Variants in DGKI observed in about 807,000 individuals in gnomAD.
The protein encoded by DGKI is diacylglycerol kinase iota.
A neutral mutation model predicts 147.5 loss-of-function variants in DGKI; 55 were observed. The observed-to-expected ratio is 0.37, with a 90% CI of 0.30 to 0.47. The LOEUF (loss-of-function observed/expected upper bound fraction) is 0.47, where lower values mean the gene tolerates loss of function less well. Ranked by LOEUF, DGKI falls within the 20% of genes least tolerant of loss-of-function variation. DGKI has a pLI of 1.00. For missense variants in DGKI, 1,007 were observed against 1,323.8 expected, an observed-to-expected ratio of 0.76 and a Z score of 3.71; for synonymous variants, 469 against 477.1, an observed-to-expected ratio of 0.98 and a Z score of 0.22.
At chr7:137,522,110 G>A (rs1816982886) in intron 20 of DGKI, 144 bp from the exon 21 acceptor site, 2 of 577,922 alleles carry the variant, frequency 3.5e-6, no homozygotes, top group African/African-American at 3.9e-5. Context: ...TTCCTTATCA[G>A]AATTGAACAG....
chr7:137,724,456 A>G (rs934154226), intron 1 of DGKI, among the ~76,000 whole-genome samples: 2 of 152,248 alleles, frequency 1.3e-5, no homozygotes, highest in African/African-American at 4.8e-5. Context: ...CTACTACAAC[A>G]GTCCAGAAAG....
At chr7:137,809,059 G>A (rs1288159995) in intron 1 of DGKI, among the ~76,000 whole-genome samples, 5 of 152,188 alleles carry the variant, frequency 3.3e-5, no homozygotes, top group Non-Finnish European at 7.3e-5. Flanking sequence ...AGTTTGACAA[G>A]CTTCCTTGAT....
rs117352289 is a variant in DGKI, at chr7:137,391,193, C to G, written c.*27G>C. 6.4e-7 allele frequency: 1 copy of G among 1,562,738 alleles called. No individual in the cohort carries two copies. ...GGAGGGCAGATGTGATACGCTTGCT[C>G]ATGTCCTCTTTGCCCGAATACCAGG... On this transcript the variant is annotated 3_prime_UTR_variant, in exon 33 of 33. Coordinates refer to ENST00000614521, the MANE Select transcript of DGKI (RefSeq NM_001321708.2).
intron 6 of DGKI, among the ~76,000 whole-genome samples, chr7:137,636,692 T>C (rs1467190417): frequency 1.3e-5 from 2 of 152,190 alleles, no homozygotes; most frequent in Non-Finnish European, 2.9e-5. Context: ...CCTGCTGAAA[T>C]TTGATCCCCA....
At chr7:137,446,038 C>T (rs1435302785) in intron 27 of DGKI, among the ~76,000 whole-genome samples, 1 of 152,162 alleles carries the variant, frequency 6.6e-6, no homozygotes, top group Non-Finnish European at 1.5e-5. Flanking sequence ...CTGGTGTTTG[C>T]TGATGAGAAG....
chr7:137,490,795 T>C (rs530636733), intron 21 of DGKI, among the ~76,000 whole-genome samples: 1 of 152,324 alleles, frequency 6.6e-6, no homozygotes, highest in African/African-American at 2.4e-5. Context: ...CAATTCATCT[T>C]ATTTTGGTAG....
At chr7:137,598,140 A>G (rs1819862859) in intron 11 of DGKI, among the ~76,000 whole-genome samples, 1 of 152,184 alleles carries the variant, frequency 6.6e-6, no homozygotes, top group South Asian at 2.1e-4. Flanking sequence ...CAACGTTGGA[A>G]TTTAAGGGAT....
At position 137,846,681 on chromosome 7, in the gene DGKI, T is replaced by C. The variant is rs1172351962; in HGVS notation, c.182A>G (p.Glu61Gly). Residue 61 changes from glutamate (E) to glycine (G), a missense_variant, in exon 1 of 33, where the codon GAG (glutamate) becomes GGG (glycine). By Grantham distance (98) the Glu-to-Gly change is moderately conservative. This residue lies in a region of DGKI where 137 missense variants were observed against 114.4 expected (regional missense o/e 1.20). Coordinates refer to ENST00000614521, the MANE Select transcript of DGKI (RefSeq NM_001321708.2). This position sits in a 1 kb window ranked among gnomAD's most constrained non-coding sequence, Gnocchi z 4.0. ...GAMNPSSSAG[E>G]EKGATGGSSS... ...GCTGCCGCCCGTCGCCCCTTTCTCCTCTCCCGCCGAGGAGCTGGGGTTCAT... is the reference window on the plus strand; with the variant it reads ...GCTGCCGCCCGTCGCCCCTTTCTCCCCTCCCGCCGAGGAGCTGGGGTTCAT... 9.4e-7 allele frequency: 1 copy of C among 1,068,692 alleles called. No homozygotes were observed. 66.2% of individuals were successfully genotyped at this position (1,068,692 alleles called of 1,614,324 possible). A position where few individuals can be genotyped will look rare whatever the true frequency, so the allele number is the denominator to read the frequency against.
intron 28 of DGKI, among the ~76,000 whole-genome samples, chr7:137,440,436 T>C (rs1009939101): frequency 9.9e-5 from 15 of 152,196 alleles, no homozygotes; most frequent in African/African-American, 3.6e-4. Flanking sequence ...AGAAATTAAC[T>C]TACACAGTAG....
At chr7:137,476,264 A>C (rs1458298431) in intron 23 of DGKI, among the ~76,000 whole-genome samples, 1 of 152,126 alleles carries the variant, frequency 6.6e-6, no homozygotes, top group Admixed American at 6.5e-5. Context: ...AAGAAACACT[A>C]ATCCGGACAA....
intron 28 of DGKI, among the ~76,000 whole-genome samples, 195 bp from the exon 29 acceptor site, chr7:137,412,402 C>T (rs1005113882): frequency 7.2e-5 from 11 of 152,154 alleles, no homozygotes; most frequent in Non-Finnish European, 1.2e-4. Flanking sequence ...ACGCACCCTT[C>T]TAGGGCCCAT....
At chr7:137,579,793 A>G (rs576596059) in intron 15 of DGKI, among the ~76,000 whole-genome samples, 13 of 152,174 alleles carry the variant, frequency 8.5e-5, no homozygotes, top group Non-Finnish European at 1.8e-4. Flanking sequence ...GCAATAAACT[A>G]TACAAAGATT....
chr7:137,436,333 C>T (rs77919197), intron 28 of DGKI, among the ~76,000 whole-genome samples: 1,656 of 152,098 alleles, frequency 0.011, 36 homozygotes, highest in African/African-American at 0.038. Context: ...AAAAAATTCC[C>T]ATCTTTAATA....
At chr7:137,624,115 C>A (rs1164993895) in intron 6 of DGKI, among the ~76,000 whole-genome samples, 1 of 152,158 alleles carries the variant, frequency 6.6e-6, no homozygotes, top group Non-Finnish European at 1.5e-5. Flanking sequence ...AATTTTTATT[C>A]TTTACCAGGA....
intron 1 of DGKI, among the ~76,000 whole-genome samples, chr7:137,816,107 T>C (rs1355592130): frequency 6.6e-6 from 1 of 152,140 alleles, no homozygotes; most frequent in East Asian, 1.9e-4. Flanking sequence ...ATGACCAACA[T>C]TTAGTTCATT....
At position 137,458,353 on chromosome 7, in the gene DGKI, G is replaced by A. The variant is rs550931862; in HGVS notation, c.2735+5136C>T. On this transcript the variant is annotated intron_variant, in intron 27 of 32. Coordinates refer to ENST00000614521, the MANE Select transcript of DGKI (RefSeq NM_001321708.2). ...TTATCTGGATTGAATATCTACCCTC[G>A]GTGTGGTTCACTACACTGTTTCCCC... 8.5e-5 allele frequency among the ~76,000 whole-genome samples: 13 copies of A among 152,224 alleles called. No individual in the cohort carries two copies. The East Asian group carries it at 2.1e-3, about 25-fold the overall frequency.
chr7:137,613,586 C>T (rs767347711), intron 8 of DGKI, among the ~76,000 whole-genome samples: 1 of 151,832 alleles, frequency 6.6e-6, no homozygotes, highest in Non-Finnish European at 1.5e-5. Context: ...GATTATCTAA[C>T]CAGAAGAGAT....
At chr7:137,745,931 G>A (rs1254355022) in intron 1 of DGKI, among the ~76,000 whole-genome samples, 1 of 152,112 alleles carries the variant, frequency 6.6e-6, no homozygotes, top group Admixed American at 6.5e-5. Context: ...CAAGTGCTTA[G>A]TTAAGATGGA....
At chr7:137,631,859 T>C (rs887231364) in intron 6 of DGKI, among the ~76,000 whole-genome samples, 3 of 152,096 alleles carry the variant, frequency 2.0e-5, no homozygotes, top group African/African-American at 7.2e-5. Context: ...GAAAAGCCCA[T>C]CAGCTGACTA....
Sources: allele counts gnomAD v4.1 joint callset (sites outside exome capture counted in the v4.1 genomes callset), GRCh38; gene constraint gnomAD v4.1.1; regional missense constraint gnomAD v4.1.1; non-coding constraint Gnocchi (gnomAD v3.1); transcripts MANE v1.5; gene names NCBI Gene and HGNC (gene_info 2026-07-23, HGNC 2026-07-21).